The following PDE3B variants were observed in gnomAD, a reference collection of about 807,000 sequenced individuals.
PDE3B encodes cGMP-inhibited 3',5'-cyclic phosphodiesterase 3B.
A neutral mutation model predicts 116.8 loss-of-function variants in PDE3B; 66 were observed. That is an observed-to-expected ratio of 0.56 (90% CI 0.46 to 0.69). The LOEUF is 0.69. Among genes scored for constraint, PDE3B ranks in the 30% least tolerant of loss-of-function variants. PDE3B has a pLI of 0.00. For synonymous variants in PDE3B, 595 were observed against 533.6 expected (o/e 1.12, Z -1.59); for missense variants, 1,384 against 1,368.1 (o/e 1.01, Z -0.18).
At chr11:14,645,278 A>T (rs1294519113) in intron 1 of PDE3B, among the ~76,000 whole-genome samples, 2 of 152,034 alleles carry the variant, frequency 1.3e-5, no homozygotes, top group Admixed American at 1.3e-4. Flanking sequence ...GTCATTGAAT[A>T]GAAATCAAAT....
intron 1 of PDE3B, among the ~76,000 whole-genome samples, chr11:14,761,983 A>G (rs1343069723): frequency 6.6e-6 from 1 of 152,048 alleles, no homozygotes; most frequent in Admixed American, 6.6e-5. Flanking sequence ...TAATATCCAT[A>G]TCTCCTAAAT....
intron 1 of PDE3B, among the ~76,000 whole-genome samples, chr11:14,692,099 T>A (rs1190128316): frequency 6.6e-6 from 1 of 151,796 alleles, no homozygotes; most frequent in East Asian, 1.9e-4. Context: ...GAGACCCCCA[T>A]CTCTACAAAA....
intron 14 of PDE3B, among the ~76,000 whole-genome samples, chr11:14,866,038 C>G (rs10766195): frequency 0.15 from 23,056 of 152,030 alleles, 2,187 homozygotes; most frequent in African/African-American, 0.27. Context: ...GGGTAAGTTA[C>G]TTAACCTCTC....
At chr11:14,792,627 G>T (rs900708516) in intron 4 of PDE3B, among the ~76,000 whole-genome samples, 5 of 152,072 alleles carry the variant, frequency 3.3e-5, no homozygotes, top group Non-Finnish European at 7.4e-5. Context: ...TCTGTTAGAG[G>T]ACTTGAGATT....
intron 1 of PDE3B, among the ~76,000 whole-genome samples, chr11:14,760,320 AT>A: frequency 6.6e-6 from 1 of 152,334 alleles, no homozygotes. Context: ...AACAAGTGAT[AT>A]TTATAGGTTA....
chr11:14,811,617 G>C (rs1181949703), intron 5 of PDE3B, among the ~76,000 whole-genome samples: 11 of 152,056 alleles, frequency 7.2e-5, no homozygotes, highest in Non-Finnish European at 1.5e-5. Flanking sequence ...TTGGCTTGGC[G>C]ATGTGGGCTC....
intron 1 of PDE3B, among the ~76,000 whole-genome samples, chr11:14,711,581 T>C (rs1426957880): frequency 6.6e-6 from 1 of 152,098 alleles, no homozygotes; most frequent in African/African-American, 2.4e-5. Flanking sequence ...GAGAGTCTGG[T>C]GCGGGAGGTG....
intron 12 of PDE3B, 122 bp downstream of exon 12, chr11:14,844,148 A>G: frequency 3.0e-6 from 2 of 669,022 alleles, no homozygotes; most frequent in East Asian, 2.7e-5. Context: ...AATACCCTAC[A>G]TTTTAATTAA....
chr11:14,811,636 T>C (rs1321712740), intron 5 of PDE3B, among the ~76,000 whole-genome samples: 1 of 152,072 alleles, frequency 6.6e-6, no homozygotes, highest in African/African-American at 2.4e-5. Context: ...TCTTTTTTGG[T>C]TCCATATGAA....
chr11:14,845,832 G>T (rs1445939048), intron 12 of PDE3B, among the ~76,000 whole-genome samples: 1 of 152,148 alleles, frequency 6.6e-6, no homozygotes, highest in Admixed American at 6.5e-5. Context: ...AGAAATATGG[G>T]ACTATGTGAA....
intron 1 of PDE3B, among the ~76,000 whole-genome samples, chr11:14,670,235 A>G (rs1854322882): frequency 6.6e-6 from 1 of 152,188 alleles, no homozygotes; most frequent in Non-Finnish European, 1.5e-5. Context: ...TAGGCAAGTT[A>G]TCTAATACCG....
At chr11:14,851,820 T>A (rs542268214) in intron 12 of PDE3B, among the ~76,000 whole-genome samples, 1 of 152,166 alleles carries the variant, frequency 6.6e-6, no homozygotes, top group Non-Finnish European at 1.5e-5. Flanking sequence ...AATGGCATAG[T>A]GGAAAAAGCA....
At chr11:14,652,706 T>C (rs959770446) in intron 1 of PDE3B, among the ~76,000 whole-genome samples, 1 of 152,196 alleles carries the variant, frequency 6.6e-6, no homozygotes, top group African/African-American at 2.4e-5. Flanking sequence ...CGCTGTCCCC[T>C]GATAATCACC....
intron 12 of PDE3B, among the ~76,000 whole-genome samples, chr11:14,855,352 A>G (rs73418664): frequency 0.083 from 12,578 of 152,200 alleles, 538 homozygotes; most frequent in Middle Eastern, 0.13. Flanking sequence ...TTTGTTTAAA[A>G]AAAAAAAGAA....
chr11:14,786,316 T>TA (rs1858193471), intron 2 of PDE3B, 121 bp from the exon 3 acceptor site: 1 of 675,864 alleles, frequency 1.5e-6, no homozygotes, highest in South Asian at 2.9e-5. Flanking sequence ...AGAAAAAAAT[T>TA]AAAGTTCACG....
intron 14 of PDE3B, among the ~76,000 whole-genome samples, chr11:14,867,064 TA>T (rs76676439): frequency 0.034 from 4,618 of 136,878 alleles, 81 homozygotes; most frequent in African/African-American, 0.046. Flanking sequence ...GTTCTGCTGT[TA>T]AAAAAAAAAA....
intron 1 of PDE3B, among the ~76,000 whole-genome samples, chr11:14,755,809 G>A (rs1430737682): frequency 1.3e-5 from 2 of 151,996 alleles, no homozygotes; most frequent in African/African-American, 4.8e-5. Context: ...TGTCTCTTGG[G>A]CATTAAAGTC....
Position 14,836,775 on chromosome 11 carries a change from A to G in PDE3B, c.2320+1680A>G, listed in dbSNP as rs545207327. 1.7e-4 allele frequency among the ~76,000 whole-genome samples: 26 copies of G among 152,260 alleles called. 1 individual carries two copies. The highest frequency in any genetic ancestry group is 2.5e-4 in the Non-Finnish European group (17 of 68,014). ...AGAATTTGTTTCCTTGCCTCCTCCA[A>G]TTACACTCCTTGGCTCATGGCCCTT... is the stretch of plus-strand genomic sequence containing the variant. On this transcript the variant is annotated intron_variant, in intron 11 of 15. Transcript: ENST00000282096.
chr11:14,889,704 C>T, the PDE3B span, among the ~76,000 whole-genome samples: 3 of 152,106 alleles, frequency 2.0e-5, no homozygotes, highest in African/African-American at 4.8e-5. Context: ...ATAGTAATAC[C>T]GAGTGTCTTT....
Sources: gnomAD v4.1 joint callset for allele counts (sites outside exome capture counted in the v4.1 genomes callset) on GRCh38, gnomAD v4.1.1 for gene constraint, MANE v1.5 for transcripts, NCBI Gene and HGNC (gene_info 2026-07-23, HGNC 2026-07-21) for gene names.